RGS12: variants seen among roughly 807,000 people sequenced by gnomAD.
RGS12 encodes the protein regulator of G protein signaling 12, also known as regulator of G-protein signaling 12.
Under a neutral mutation model 120.1 loss-of-function variants are expected in RGS12, and 66 were observed. That is an observed-to-expected ratio of 0.55 (90% CI 0.45 to 0.67). The LOEUF (loss-of-function observed/expected upper bound fraction) is 0.67, where lower values mean the gene tolerates loss of function less well. Ranked by LOEUF, RGS12 falls within the 30% of genes least tolerant of loss-of-function variation. The pLI, the probability that RGS12 is intolerant of heterozygous loss-of-function variation, is 0.00. For missense variants in RGS12, 1,859 were observed against 1,957.7 expected (o/e 0.95, Z 0.95); for synonymous variants, 827 against 804.7 (o/e 1.03, Z -0.47).
At chr4:3,376,903 T>G (rs1229140396) in intron 3 of RGS12, among the ~76,000 whole-genome samples, 2 of 152,166 alleles carry the variant, frequency 1.3e-5, no homozygotes, top group African/African-American at 2.4e-5. Flanking sequence ...GCCTCTGGCG[T>G]GGATGCTGTG....
At chr4:3,338,786 A>C (rs982688685) in intron 2 of RGS12, among the ~76,000 whole-genome samples, 2 of 152,084 alleles carry the variant, frequency 1.3e-5, no homozygotes, top group African/African-American at 4.8e-5. Context: ...TAAAAGCTGG[A>C]GTTTGAACCA....
chr4:3,382,303 C>A (rs1374690144), intron 3 of RGS12, among the ~76,000 whole-genome samples: 1 of 152,214 alleles, frequency 6.6e-6, no homozygotes, highest in Non-Finnish European at 1.5e-5. Context: ...GGTGCCCTCT[C>A]CTTCCCTGCC....
chr4:3,336,329 A>AC (rs1712457369), intron 2 of RGS12, among the ~76,000 whole-genome samples: 1 of 151,840 alleles, frequency 6.6e-6, no homozygotes. Context: ...ATACCAAGCT[A>AC]CCCCTTCTCT....
chr4:3,315,736 G>T (rs1347744300), intron 1 of RGS12, among the ~76,000 whole-genome samples: 2 of 152,326 alleles, frequency 1.3e-5, no homozygotes, highest in East Asian at 3.9e-4. Context: ...CAGACGGGCT[G>T]CCAGTCCACG....
At chr4:3,315,933 T>G (rs909733701) in intron 1 of RGS12, 137 bp from the exon 2 acceptor site, 1 of 409,930 alleles carries the variant, frequency 2.4e-6, no homozygotes, top group South Asian at 9.2e-5. Context: ...ACTTGAAGAT[T>G]TATTATCTAT....
In RGS12 at chr4:3,372,209, G is replaced by A. The variant is rs1376069410; in HGVS notation, c.1999-14207G>A. On this transcript the variant is annotated intron_variant, in intron 3 of 17. Coordinates refer to ENST00000336727, the MANE Select transcript of RGS12 (RefSeq NM_001394154.1). The surrounding 1 kb of genome is among the most constrained non-coding windows in gnomAD (Gnocchi z 4.3). The stretch of plus-strand genomic sequence containing the variant: ...AAGAGAGCCCTTGTGGTCTGTCTGC[G>A]CACCCCTCCCAGGGTGCCCTGCTGT... Among the ~76,000 whole-genome samples, 6 of 152,304 alleles carry A rather than the reference G, an allele frequency of 3.9e-5. No individual in the cohort carries two copies. The highest frequency in any genetic ancestry group is 1.4e-4 in the African/African-American group (6 of 41,558).
At chr4:3,430,118 C>T (rs751602834) in intron 16 of RGS12, among the ~76,000 whole-genome samples, 10 of 152,358 alleles carry the variant, frequency 6.6e-5, no homozygotes, top group South Asian at 2.1e-4. Context: ...AGCGCGTAAC[C>T]GTGTTGAGTC....
At chr4:3,296,704 C>T (rs1039563852) in intron 1 of RGS12, among the ~76,000 whole-genome samples, 2 of 152,216 alleles carry the variant, frequency 1.3e-5, no homozygotes, top group African/African-American at 4.8e-5. Context: ...GAGGAGCACC[C>T]GTCTCATGCC....
At chr4:3,373,041 G>A (rs577704091) in intron 3 of RGS12, among the ~76,000 whole-genome samples, 5 of 152,302 alleles carry the variant, frequency 3.3e-5, no homozygotes, top group South Asian at 4.1e-4. Context: ...CAGAGGATGC[G>A]GTGAGACCTG....
At chr4:3,294,143 G>A (rs1357467581) in intron 1 of RGS12, among the ~76,000 whole-genome samples, 2 of 152,276 alleles carry the variant, frequency 1.3e-5, no homozygotes, top group South Asian at 2.1e-4. Context: ...GCTGCTGCAA[G>A]GGCTAAGAGT....
rs981961082 is a variant in RGS12 at position 3,389,448 on chromosome 4, C to T, written c.2020+3011C>T. On this transcript the variant is annotated intron_variant, in intron 4 of 17. Coordinates refer to ENST00000336727, the MANE Select transcript of RGS12 (RefSeq NM_001394154.1). The surrounding 1 kb of genome is among the most constrained non-coding windows in gnomAD (Gnocchi z 5.2). Reference sequence around the variant, plus strand: ...GAGGTCGAGCTGGAGGGAGATGGGGCGTTGTGAAGAAATGAGAAAAGGAAG... The same window carrying T: ...GAGGTCGAGCTGGAGGGAGATGGGGTGTTGTGAAGAAATGAGAAAAGGAAG... Among the ~76,000 whole-genome samples the T allele has an allele frequency of 2.6e-5, 4 of 151,998 alleles. No individual in the cohort carries two copies. Among genetic ancestry groups the T allele is most frequent in the Non-Finnish European group, 4.4e-5 (3 of 68,008 alleles).
intron 1 of RGS12, among the ~76,000 whole-genome samples, chr4:3,311,094 C>G (rs1469581300): frequency 6.6e-6 from 1 of 152,040 alleles, no homozygotes. Context: ...GTGGGGTCAC[C>G]CTGGAGGCCG....
intron 2 of RGS12, among the ~76,000 whole-genome samples, chr4:3,330,196 C>G (rs1247100924): frequency 6.6e-6 from 1 of 152,180 alleles, no homozygotes; most frequent in Non-Finnish European, 1.5e-5. Flanking sequence ...GTTTATATGG[C>G]ATTTTTCAGG....
intron 12 of RGS12, among the ~76,000 whole-genome samples, chr4:3,423,300 G>A (rs571239615): frequency 2.4e-4 from 37 of 152,226 alleles, no homozygotes; most frequent in Non-Finnish European, 4.4e-4. Context: ...CTGCTGTGCA[G>A]GACACTGCTA....
In RGS12 at chr4:3,414,163, G is replaced by A; in HGVS notation, c.2112G>A (p.Leu704=). 1 of 1,558,162 alleles carries A rather than the reference G, an allele frequency of 6.4e-7. No individual in the cohort carries two copies. Among genetic ancestry groups the A allele is most frequent in the Non-Finnish European group, 8.6e-7 (1 of 1,156,896 alleles). The change falls in exon 5 of 18, where the codon CTG becomes CTA. Residue 704 remains leucine, a synonymous_variant. Transcript: ENST00000336727. ...SLPSVQSCRR[L]RERRVASWAV... is the part of the protein sequence containing the mutation. ...CCAGCGTGCAGAGCTGCCGGCGCCT[G>A]CGTGAGAGGAGGGTCGCCAGCTGGG... is the stretch of plus-strand genomic sequence containing the variant.
At chr4:3,379,848 T>G (rs1718084028) in intron 3 of RGS12, among the ~76,000 whole-genome samples, 2 of 152,166 alleles carry the variant, frequency 1.3e-5, no homozygotes, top group South Asian at 4.1e-4. Context: ...AATTCAAGAT[T>G]AGGTTTGGGT....
chr4:3,384,326 T>C (rs1003163713), intron 3 of RGS12, among the ~76,000 whole-genome samples: 1 of 151,942 alleles, frequency 6.6e-6, no homozygotes, highest in African/African-American at 2.4e-5. Context: ...GGCTAATTTT[T>C]ATATTTTAGT....
intron 1 of RGS12, among the ~76,000 whole-genome samples, chr4:3,301,917 C>T (rs750623837): frequency 2.6e-5 from 4 of 152,136 alleles, no homozygotes; most frequent in East Asian, 1.9e-4. Context: ...ACAGTGTTGC[C>T]GCACAGCATT....
At chr4:3,439,053 C>T (rs778096691) in intron 17 of RGS12, among the ~76,000 whole-genome samples, 2 of 152,048 alleles carry the variant, frequency 1.3e-5, no homozygotes, top group Admixed American at 1.3e-4. Context: ...TGCTCAGCCC[C>T]CTGGGGGTGG....
Sources: gnomAD v4.1 joint callset for allele counts (sites outside exome capture counted in the v4.1 genomes callset) on GRCh38, gnomAD v4.1.1 for gene constraint, Gnocchi (gnomAD v3.1) non-coding constraint, MANE v1.5 for transcripts, NCBI Gene and HGNC (gene_info 2026-07-23, HGNC 2026-07-21) for gene names.